RBPJ: variants seen among roughly 807,000 people sequenced by gnomAD.
RBPJ encodes recombining binding protein suppressor of hairless.
A neutral mutation model predicts 67.8 loss-of-function variants in RBPJ; 9 were observed. The observed-to-expected ratio is 0.13, with a 90% CI of 0.08 to 0.23. The LOEUF is 0.23. RBPJ is among the 10% of genes least tolerant of loss of function. RBPJ has a pLI of 1.00. For missense variants in RBPJ, 305 were observed against 595.6 expected, an observed-to-expected ratio of 0.51 and a Z score of 5.08; for synonymous variants, 198 against 203.3, an observed-to-expected ratio of 0.97 and a Z score of 0.22.
chr4:26,228,664 A>G (rs1371066564), intron 1 of RBPJ, among the ~76,000 whole-genome samples: 1 of 152,244 alleles, frequency 6.6e-6, no homozygotes, highest in Non-Finnish European at 1.5e-5. Flanking sequence ...AATTCTAGGT[A>G]AAACTGAAAT....
chr4:26,190,820 C>G (rs533955334), intron 1 of RBPJ, among the ~76,000 whole-genome samples: 1 of 152,088 alleles, frequency 6.6e-6, no homozygotes, highest in African/African-American at 2.4e-5. Context: ...TTTTGCAGAT[C>G]AGTTTCTTGA....
chr4:26,341,944 A>G (rs1725581974), intron 1 of RBPJ, among the ~76,000 whole-genome samples: 1 of 152,196 alleles, frequency 6.6e-6, no homozygotes, highest in Non-Finnish European at 1.5e-5. Flanking sequence ...ACATCCTAGA[A>G]TAGCCAAGAA....
intron 1 of RBPJ, among the ~76,000 whole-genome samples, chr4:26,385,536 C>T (rs937990278): frequency 6.6e-6 from 1 of 152,174 alleles, no homozygotes; most frequent in African/African-American, 2.4e-5. Context: ...TACTCCAGTT[C>T]CAGCCTGAAT....
At chr4:26,376,624 T>G (rs942137541) in intron 1 of RBPJ, among the ~76,000 whole-genome samples, 1 of 152,270 alleles carries the variant, frequency 6.6e-6, no homozygotes, top group Non-Finnish European at 1.5e-5. Context: ...TTCCAGCTTC[T>G]GTTTTTTCTG....
chr4:26,299,127 G>A (rs1238483312), intron 1 of RBPJ, among the ~76,000 whole-genome samples: 1 of 152,152 alleles, frequency 6.6e-6, no homozygotes, highest in African/African-American at 2.4e-5. Flanking sequence ...AAAGGAGTTG[G>A]GGTCAGGGCA....
At chr4:26,268,764 G>A (rs891771415) in intron 1 of RBPJ, among the ~76,000 whole-genome samples, 2 of 151,978 alleles carry the variant, frequency 1.3e-5, no homozygotes, top group Admixed American at 6.6e-5. Context: ...CAGCAGAGGC[G>A]GGAGGAAGGG....
the RBPJ span, among the ~76,000 whole-genome samples, chr4:26,128,675 C>T: frequency 2.0e-5 from 3 of 152,192 alleles, no homozygotes; most frequent in Admixed American, 6.5e-5. Flanking sequence ...AAACGGGCAT[C>T]TTATGAGATG....
At chr4:26,358,146 A>G (rs1211349660) in intron 1 of RBPJ, among the ~76,000 whole-genome samples, 2 of 152,068 alleles carry the variant, frequency 1.3e-5, no homozygotes, top group Non-Finnish European at 2.9e-5. Flanking sequence ...GCACTCTTAT[A>G]TAGATCCATT....
At chr4:26,332,732 C>T (rs1304661250) in intron 1 of RBPJ, among the ~76,000 whole-genome samples, 1 of 152,298 alleles carries the variant, frequency 6.6e-6, no homozygotes, top group Non-Finnish European at 1.5e-5. Flanking sequence ...CCCACTGAAG[C>T]CTGAAACTCC....
At chr4:26,198,828 CAGA>C (rs1174635735) in intron 1 of RBPJ, among the ~76,000 whole-genome samples, 1 of 152,200 alleles carries the variant, frequency 6.6e-6, no homozygotes, top group Non-Finnish European at 1.5e-5. Context: ...TCCTGTTTCA[CAGA>C]AGAAGAAACT....
chr4:26,230,499 A>C (rs1719240653), intron 1 of RBPJ, among the ~76,000 whole-genome samples: 1 of 152,240 alleles, frequency 6.6e-6, no homozygotes, highest in African/African-American at 2.4e-5. Context: ...TTTATAGATG[A>C]GGACACAGGC....
At chr4:26,387,175 T>C (rs576667853) in intron 2 of RBPJ, among the ~76,000 whole-genome samples, 1 of 152,292 alleles carries the variant, frequency 6.6e-6, no homozygotes, top group South Asian at 2.1e-4. Flanking sequence ...CTTTTAATAT[T>C]TCACATTGAT....
At chr4:26,125,629 T>C in the RBPJ span, among the ~76,000 whole-genome samples, 1 of 152,002 alleles carries the variant, frequency 6.6e-6, no homozygotes, top group East Asian at 1.9e-4. Flanking sequence ...TGAAACCCCA[T>C]CTCTACCAAA....
At chr4:26,120,845 T>C in the RBPJ span, among the ~76,000 whole-genome samples, 1 of 149,410 alleles carries the variant, frequency 6.7e-6, no homozygotes, top group Non-Finnish European at 1.5e-5. Flanking sequence ...AAAGTGTAAA[T>C]TAGAATTCCT....
At chr4:26,156,323 T>TATCCAGG in the RBPJ span, among the ~76,000 whole-genome samples, 8 of 152,260 alleles carry the variant, frequency 5.3e-5, no homozygotes, top group African/African-American at 1.9e-4. Flanking sequence ...GCTAAGGATT[T>TATCCAGG]ATCCAGGCTT....
chr4:26,129,387 A>G, the RBPJ span, among the ~76,000 whole-genome samples: 9 of 152,360 alleles, frequency 5.9e-5, no homozygotes, highest in Admixed American at 3.3e-4. Flanking sequence ...TTGGTGTTGT[A>G]CATCTATTTC....
chr4:26,166,172 A>T (rs2109111696), intron 1 of RBPJ, among the ~76,000 whole-genome samples: 1 of 149,202 alleles, frequency 6.7e-6, no homozygotes, highest in South Asian at 2.1e-4. Context: ...GTGCCACAGT[A>T]AACATACGTG....
intron 1 of RBPJ, among the ~76,000 whole-genome samples, chr4:26,218,718 C>G (rs1179956935): frequency 6.6e-6 from 1 of 152,164 alleles, no homozygotes; most frequent in Non-Finnish European, 1.5e-5. Context: ...CTGCACACAG[C>G]AGGCATTCAA....
intron 1 of RBPJ, among the ~76,000 whole-genome samples, chr4:26,194,623 C>G (rs1717686515): frequency 6.6e-6 from 1 of 152,212 alleles, no homozygotes; most frequent in Non-Finnish European, 1.5e-5. Context: ...TGTAGGCCCC[C>G]ACCTATCACC....
Sources: gnomAD v4.1 joint callset for allele counts (sites outside exome capture counted in the v4.1 genomes callset) on GRCh38, gnomAD v4.1.1 for gene constraint, MANE v1.5 for transcripts, NCBI Gene and HGNC (gene_info 2026-07-23, HGNC 2026-07-21) for gene names.